SORBS2: variants seen among roughly 807,000 people sequenced by gnomAD.
SORBS2 encodes sorbin and SH3 domain containing 2, also known as sorbin and SH3 domain-containing protein 2.
A neutral mutation model predicts 97.7 loss-of-function variants in SORBS2; 46 were observed. That is an observed-to-expected ratio of 0.47 (90% confidence interval 0.37 to 0.60). The LOEUF is 0.60. SORBS2 is among the 20% of genes least tolerant of loss of function. SORBS2 has a pLI of 0.00. For missense variants in SORBS2, 1,316 were observed against 1,282.3 expected (o/e 1.03, Z -0.40); for synonymous variants, 476 against 473.4 (o/e 1.01, Z -0.07).
At chr4:185,754,232 G>A (rs2098817858) in intron 2 of SORBS2, among the ~76,000 whole-genome samples, 1 of 152,156 alleles carries the variant, frequency 6.6e-6, no homozygotes, top group Admixed American at 6.5e-5. Flanking sequence ...TCAAGTATAA[G>A]TGGGAGCTAA....
chr4:185,752,315 GC>G (rs1329630184), intron 2 of SORBS2, among the ~76,000 whole-genome samples: 1 of 151,640 alleles, frequency 6.6e-6, no homozygotes, highest in Non-Finnish European at 1.5e-5. Flanking sequence ...TCGCTCTGTC[GC>G]CCAGGCTGGA....
intron 2 of SORBS2, among the ~76,000 whole-genome samples, chr4:185,732,044 C>T (rs2153574435): frequency 6.6e-6 from 1 of 151,762 alleles, no homozygotes; most frequent in Non-Finnish European, 1.5e-5. Flanking sequence ...CAATATCTGA[C>T]CTCCTTTTTT....
intron 14 of SORBS2, chr4:185,588,021 CG>C: frequency 4.4e-6 from 1 of 228,634 alleles, no homozygotes; most frequent in Non-Finnish European, 8.6e-6. Context: ...ACACCAGAGT[CG>C]GGGGTGAGGG....
chr4:185,700,854 C>G (rs1252036354), intron 2 of SORBS2, among the ~76,000 whole-genome samples: 1 of 152,180 alleles, frequency 6.6e-6, no homozygotes, highest in Non-Finnish European at 1.5e-5. Context: ...CTTCATTTTT[C>G]ATACCTAATA....
intron 2 of SORBS2, among the ~76,000 whole-genome samples, chr4:185,751,860 AG>A (rs2098802424): frequency 6.6e-6 from 1 of 152,188 alleles, no homozygotes; most frequent in South Asian, 2.1e-4. Context: ...CTTTGCATTA[AG>A]GTGCGATTTA....
At chr4:185,707,532 G>T (rs77595311) in intron 2 of SORBS2, among the ~76,000 whole-genome samples, 4,215 of 151,590 alleles carry the variant, frequency 0.028, 196 homozygotes, top group African/African-American at 0.096. Context: ...TTTTATCATG[G>T]GTACAAGGCA....
chr4:185,652,592 CG>C (rs1561689193), intron 2 of SORBS2, 69 bp downstream of exon 10: 1 of 1,200,714 alleles, frequency 8.3e-7, no homozygotes, highest in Non-Finnish European at 1.2e-6. Context: ...TGAATCAAAC[CG>C]ATGCAAAAGA....
At chr4:185,662,000 G>A (rs1393606852) in intron 5 of SORBS2, 104 bp downstream of exon 8, 9 of 1,296,350 alleles carry the variant, frequency 6.9e-6, no homozygotes, top group Non-Finnish European at 9.7e-6. Context: ...AGGGTCATGA[G>A]TGCTGAGCGC....
rs1245828966 is a variant in SORBS2, at chr4:185,675,473, A to C, written c.-46+2950T>G. 5 of 152,232 alleles carry C rather than the reference A, an allele frequency of 3.3e-5. No homozygotes were observed. The East Asian group carries it at 7.7e-4, about 23-fold the overall frequency. The allele number at this position is 152,232 out of a possible 1,614,324, so 9.4% of individuals were successfully genotyped here. ...CTCGTCACTGCTGAGTAACGACTTC[A>C]CAACGAGAAGTAGCACTCTTTCAGA... On this transcript the variant is annotated intron_variant, in intron 4 of 20. Transcript: ENST00000284776.
intron 4 of SORBS2, among the ~76,000 whole-genome samples, chr4:185,675,990 G>A (rs947491884): frequency 5.3e-5 from 8 of 152,244 alleles, no homozygotes; most frequent in Middle Eastern, 3.4e-3. Context: ...ATATCTCCTC[G>A]AGGATATGTT....
chr4:185,748,446 T>C (rs1241944587), intron 2 of SORBS2, among the ~76,000 whole-genome samples: 3 of 152,210 alleles, frequency 2.0e-5, no homozygotes, highest in African/African-American at 7.2e-5. Flanking sequence ...TTCCAGAATT[T>C]GGAGTAAGGC....
At position 185,623,797 on chromosome 4, in the gene SORBS2, T is replaced by C; in HGVS notation, c.1332A>G (p.Gln444=). 1 of 1,614,170 alleles carries C rather than the reference T, an allele frequency of 6.2e-7. No homozygotes were observed. Among genetic ancestry groups the C allele is most frequent in the Non-Finnish European group, 8.5e-7 (1 of 1,180,024 alleles). Residue 444 remains glutamine, a synonymous_variant, in exon 7 of 15, where the codon CAA becomes CAG. Coordinates refer to ENST00000418609, the Ensembl canonical transcript of SORBS2. The surrounding 1 kb of genome is among the most constrained non-coding windows in gnomAD (Gnocchi z 6.4). The stretch of plus-strand genomic sequence containing the variant: ...ACCGCCTCTTGGGACATAGGCCATT[T>C]TGCGGTGGTTCTAGGGTTACGGGAG...
At chr4:185,591,990 C>A (rs2095952921) in intron 13 of SORBS2, 1 of 152,216 alleles carries the variant, frequency 6.6e-6, no homozygotes, top group Non-Finnish European at 1.5e-5. Flanking sequence ...TCCTGCCTCT[C>A]CTGGCTTTCA....
chr4:185,883,543 C>A (rs1021933230), intron 1 of SORBS2, among the ~76,000 whole-genome samples: 1 of 152,178 alleles, frequency 6.6e-6, no homozygotes, highest in African/African-American at 2.4e-5. Context: ...TACATCCACA[C>A]AAAGTCCTGT....
chr4:185,646,869 CT>C, intron 3 of SORBS2, 87 bp from the exon 13 acceptor site: 2 of 767,694 alleles, frequency 2.6e-6, no homozygotes, highest in Non-Finnish European at 4.4e-6. Context: ...TTCAACATTA[CT>C]TTTAGCATAG....
intron 1 of SORBS2, among the ~76,000 whole-genome samples, chr4:185,904,827 G>A (rs960291911): frequency 1.1e-4 from 16 of 152,230 alleles, no homozygotes; most frequent in Admixed American, 7.9e-4. Context: ...GAAATAGGCC[G>A]GGCGCAGTGG....
At chr4:185,916,781 C>T (rs1327492644) in intron 1 of SORBS2, among the ~76,000 whole-genome samples, 1 of 152,172 alleles carries the variant, frequency 6.6e-6, no homozygotes, top group Admixed American at 6.5e-5. Flanking sequence ...GCCCCCACCT[C>T]CCCCAACAAA....
At chr4:185,855,286 A>G (rs2099220154) in intron 1 of SORBS2, among the ~76,000 whole-genome samples, 1 of 152,204 alleles carries the variant, frequency 6.6e-6, no homozygotes. Flanking sequence ...ATTTACCTTC[A>G]ACTACACAAC....
chr4:185,614,273 T>A (rs929143208), intron 11 of SORBS2, among the ~76,000 whole-genome samples: 5 of 149,980 alleles, frequency 3.3e-5, no homozygotes, highest in Admixed American at 1.3e-4. Flanking sequence ...CTTTTGATAT[T>A]ATTAAGAAGA....
Sources: gnomAD v4.1 joint callset for allele counts (sites outside exome capture counted in the v4.1 genomes callset) on GRCh38, gnomAD v4.1.1 for gene constraint, Gnocchi (gnomAD v3.1) non-coding constraint, MANE v1.5 for transcripts, NCBI Gene and HGNC (gene_info 2026-07-23, HGNC 2026-07-21) for gene names.